Variants in MTUS2 observed in about 807,000 individuals in gnomAD.
MTUS2 encodes the protein microtubule-associated tumor suppressor candidate 2.
MTUS2 carries 40 observed loss-of-function variants against 114.1 expected under a neutral mutation model. The ratio of observed to expected loss-of-function variants is 0.35; its 90% CI spans 0.27 to 0.46. The LOEUF (loss-of-function observed/expected upper bound fraction) is 0.46, where lower values mean the gene tolerates loss of function less well. Ranked by LOEUF, MTUS2 falls within the 20% of genes least tolerant of loss-of-function variation. The pLI is 1.00. For missense variants in MTUS2, 1,679 were observed against 1,705.4 expected (o/e 0.98, Z 0.27); for synonymous variants, 688 against 672.0 (o/e 1.02, Z -0.37).
chr13:29,318,675 A>G (rs17657412), intron 6 of MTUS2, among the ~76,000 whole-genome samples: 1,957 of 152,296 alleles, frequency 0.013, 15 homozygotes, highest in Non-Finnish European at 0.021. Context: ...TGTCCGGTTC[A>G]GGAATAAAAT....
chr13:29,039,605 G>C (rs187149450), intron 4 of MTUS2, among the ~76,000 whole-genome samples: 8 of 152,326 alleles, frequency 5.3e-5, no homozygotes, highest in African/African-American at 1.2e-4. Flanking sequence ...TTTTGTGCCT[G>C]ACCTTTAAAG....
intron 5 of MTUS2, among the ~76,000 whole-genome samples, chr13:29,232,500 C>A (rs1450761744): frequency 2.0e-5 from 3 of 152,136 alleles, no homozygotes. Flanking sequence ...ACTCTGGACT[C>A]CCGACTCCGA....
intron 5 of MTUS2, among the ~76,000 whole-genome samples, chr13:29,103,513 G>A (rs1486951877): frequency 3.3e-5 from 5 of 152,318 alleles, no homozygotes; most frequent in African/African-American, 1.2e-4. Context: ...ACGTAAGCAC[G>A]AATGAAGCTT....
rs1268125157 is a variant in MTUS2, at chr13:29,380,800, C to T, written c.3117+21327C>T. ...GCGCGGTGGCGGGCACCTGTAGTCC[C>T]AGCTACTCGGGAGGCTGAGGCAGGA... is the stretch of plus-strand genomic sequence containing the variant. On this transcript the variant is annotated intron_variant, in intron 8 of 15. Transcript: ENST00000612955. Among the ~76,000 whole-genome samples, 7 of 61,774 alleles carry T rather than the reference C, an allele frequency of 1.1e-4. 3 individuals are homozygous for T. Among genetic ancestry groups the T allele is most frequent in the African/African-American group, 2.5e-4 (7 of 28,354 alleles). 40.5% of individuals were successfully genotyped at this position (61,774 alleles called of 152,430 possible).
rs377693731 is a variant in MTUS2, at chr13:29,025,149, G to A, written c.451G>A (p.Asp151Asn). ...CAGTCTAGACGTTTTGGCTAAAAGGGATGCTGAAATTCCCCGGCATGTTCC... is the reference window on the plus strand; with the variant it reads ...CAGTCTAGACGTTTTGGCTAAAAGGAATGCTGAAATTCCCCGGCATGTTCC... ...EASLDVLAKR[D>N]AEIPRHVPKD... is the part of the protein sequence containing the mutation. Residue 151 changes from aspartate (D) to asparagine (N), a missense_variant, in exon 3 of 16, where the codon GAT becomes AAT. By Grantham distance (23) the Asp-to-Asn change is conservative (BLOSUM62 1). Coordinates refer to ENST00000612955, the MANE Select transcript of MTUS2 (RefSeq NM_001033602.4). The A allele has an allele frequency of 9.3e-6, 15 of 1,613,946 alleles. No homozygotes were observed. The African/African-American group carries it at 1.7e-4, about 19-fold the overall frequency.
At chr13:28,823,958 G>A (rs992540959) in intron 1 of MTUS2, among the ~76,000 whole-genome samples, 4 of 152,152 alleles carry the variant, frequency 2.6e-5, no homozygotes, top group Non-Finnish European at 5.9e-5. Context: ...AGAACAACAT[G>A]AGGGTAGTTC....
chr13:28,948,506 C>T (rs1243584478), intron 2 of MTUS2, among the ~76,000 whole-genome samples: 2 of 152,088 alleles, frequency 1.3e-5, no homozygotes, highest in South Asian at 4.1e-4. Context: ...AGGCACCTGC[C>T]TGTCTGAAGT....
At chr13:28,901,611 G>C (rs1320456470) in intron 2 of MTUS2, among the ~76,000 whole-genome samples, 1 of 152,186 alleles carries the variant, frequency 6.6e-6, no homozygotes, top group African/African-American at 2.4e-5. Flanking sequence ...TGTGTGTTAG[G>C]AAGGCTCTCT....
At chr13:29,092,579 C>T (rs1245638403) in intron 4 of MTUS2, among the ~76,000 whole-genome samples, 4 of 152,124 alleles carry the variant, frequency 2.6e-5, no homozygotes, top group Non-Finnish European at 4.4e-5. Flanking sequence ...CCTCTGAATG[C>T]GGGTACGAGC....
At chr13:29,400,143 A>C (rs1874210939) in intron 8 of MTUS2, among the ~76,000 whole-genome samples, 1 of 152,188 alleles carries the variant, frequency 6.6e-6, no homozygotes, top group Non-Finnish European at 1.5e-5. Context: ...AAAAATCAAG[A>C]GATTTTTTAG....
At chr13:29,385,672 T>C (rs5004361) in intron 8 of MTUS2, among the ~76,000 whole-genome samples, 26,421 of 151,934 alleles carry the variant, frequency 0.17, 3,439 homozygotes, top group African/African-American at 0.37. Context: ...TTTCCCCAGC[T>C]TGGGGACAAA....
At chr13:29,149,169 T>C (rs1892567198) in intron 5 of MTUS2, among the ~76,000 whole-genome samples, 1 of 152,240 alleles carries the variant, frequency 6.6e-6, no homozygotes, top group Non-Finnish European at 1.5e-5. Context: ...CATTCCTATT[T>C]CTTCACAGCC....
chr13:28,918,405 C>T (rs529134424), intron 2 of MTUS2, among the ~76,000 whole-genome samples: 1 of 152,054 alleles, frequency 6.6e-6, no homozygotes, highest in African/African-American at 2.4e-5. Context: ...AATTGACCAC[C>T]TTATCATTAT....
At chr13:29,408,619 A>G (rs971723656) in intron 8 of MTUS2, among the ~76,000 whole-genome samples, 4 of 152,034 alleles carry the variant, frequency 2.6e-5, no homozygotes, top group Non-Finnish European at 5.9e-5. Context: ...AACCTAGCCC[A>G]TGTTTAAGTT....
chr13:29,190,471 G>T (rs1894401976), intron 5 of MTUS2, among the ~76,000 whole-genome samples: 1 of 152,182 alleles, frequency 6.6e-6, no homozygotes, highest in Admixed American at 6.5e-5. Flanking sequence ...TAGCCCACAT[G>T]CTCAGCCACC....
chr13:29,357,032 G>C (rs1869801451), intron 7 of MTUS2, among the ~76,000 whole-genome samples: 1 of 152,196 alleles, frequency 6.6e-6, no homozygotes, highest in Non-Finnish European at 1.5e-5. Context: ...TTTTTGCACT[G>C]TTGTTCAGTA....
chr13:28,957,042 A>G (rs1381912500), intron 2 of MTUS2, among the ~76,000 whole-genome samples: 1 of 152,180 alleles, frequency 6.6e-6, no homozygotes, highest in Non-Finnish European at 1.5e-5. Context: ...CTAGAGAAAG[A>G]GCAATGCTTT....
intron 5 of MTUS2, among the ~76,000 whole-genome samples, chr13:29,225,413 A>C (rs543516347): frequency 2.3e-4 from 35 of 152,298 alleles, no homozygotes; most frequent in African/African-American, 7.7e-4. Flanking sequence ...TTATTGTAAG[A>C]TTTTCCTATC....
intron 2 of MTUS2, among the ~76,000 whole-genome samples, chr13:28,858,112 TCC>T (rs1453960584): frequency 6.6e-6 from 1 of 151,120 alleles, no homozygotes; most frequent in African/African-American, 2.5e-5. Flanking sequence ...AATGTGCCTT[TCC>T]CTTAGAGGCT....
Sources: allele counts gnomAD v4.1 joint callset (sites outside exome capture counted in the v4.1 genomes callset), GRCh38; gene constraint gnomAD v4.1.1; transcripts MANE v1.5; gene names NCBI Gene and HGNC (gene_info 2026-07-23, HGNC 2026-07-21).